Variants in ANKRD31 observed in about 807,000 individuals in gnomAD.
The protein encoded by ANKRD31 is ankyrin repeat domain 31, also known as ankyrin repeat domain-containing protein 31.
A neutral mutation model predicts 186.0 loss-of-function variants in ANKRD31; 147 were observed. The ratio of observed to expected loss-of-function variants is 0.79; its 90% CI spans 0.69 to 0.91. The LOEUF is 0.91. ANKRD31 is among the 40% of genes least tolerant of loss of function. The pLI is 0.00. For synonymous variants in ANKRD31, 673 were observed against 736.4 expected (o/e 0.91, Z 1.39); for missense variants, 1,986 against 2,148.8 (o/e 0.92, Z 1.50).
In ANKRD31 at chr5:75,116,615, T is replaced by G. The variant is rs1323332015; in HGVS notation, c.4106A>C (p.Asp1369Ala). The stretch of plus-strand genomic sequence containing the variant: ...TTCTTGGTGTGAAAGGGAAGATGAG[T>G]CAATAGTTTTGCCATCATCACAAAA... ...QCFCDDGKTI[D>A]SSSLSHQERS... Residue 1369 changes from aspartate (D) to alanine (A), a missense_variant, in exon 19 of 26, where the codon GAC becomes GCC. Coordinates refer to ENST00000506364, the MANE Select transcript of ANKRD31 (RefSeq NM_001372053.1). 8 of 1,475,102 alleles carry G rather than the reference T, an allele frequency of 5.4e-6. No homozygotes were observed. The highest frequency in any genetic ancestry group is 7.2e-6 in the Non-Finnish European group (8 of 1,108,426). 91.4% of individuals were successfully genotyped at this position (1,475,102 alleles called of 1,614,324 possible).
intron 23 of ANKRD31, among the ~76,000 whole-genome samples, chr5:75,090,782 T>C (rs546399723): frequency 1.3e-5 from 2 of 152,214 alleles, no homozygotes; most frequent in African/African-American, 4.8e-5. Context: ...GATAAGGACA[T>C]GTTCAAACAT....
chr5:75,202,179 G>A (rs1419776983), intron 5 of ANKRD31, among the ~76,000 whole-genome samples: 1 of 152,194 alleles, frequency 6.6e-6, no homozygotes, highest in Non-Finnish European at 1.5e-5. Context: ...CTGTGCCACA[G>A]GCCATGGTCA....
chr5:75,226,644 T>C (rs928261530), intron 2 of ANKRD31, among the ~76,000 whole-genome samples: 4 of 152,040 alleles, frequency 2.6e-5, no homozygotes, highest in South Asian at 4.1e-4. Flanking sequence ...GACATACAAA[T>C]GGCAAACAGA....
At chr5:75,091,438 A>G in intron 22 of ANKRD31, 37 bp from the exon 23 acceptor site, 1 of 1,513,722 alleles carries the variant, frequency 6.6e-7, no homozygotes, top group Non-Finnish European at 8.8e-7. Context: ...AAGGTCAAAA[A>G]TAGCTGAAAT....
rs1751401256 is a variant in ANKRD31, at chr5:75,145,976, A to G, written c.3424+11T>C. 7 of 1,446,160 alleles carry G rather than the reference A, an allele frequency of 4.8e-6. No individual in the cohort carries two copies. Among genetic ancestry groups the G allele is most frequent in the Non-Finnish European group, 6.4e-6 (7 of 1,101,148 alleles). 89.6% of individuals were successfully genotyped at this position (1,446,160 alleles called of 1,614,324 possible). On this transcript the variant is annotated intron_variant, in intron 14 of 25. Transcript: ENST00000506364. ...AGGAAATATGTACAGATTAAGCAAT[A>G]TTACTAATACCTGGTTTGTGAGAAA...
At chr5:75,143,202 C>T (rs1751176449) in intron 15 of ANKRD31, among the ~76,000 whole-genome samples, 1 of 152,092 alleles carries the variant, frequency 6.6e-6, no homozygotes, top group South Asian at 2.1e-4. Flanking sequence ...CATAAGGACA[C>T]AGTAATTAGA....
At position 75,154,263 on chromosome 5, in the gene ANKRD31, TC is replaced by T. The variant is rs1212018129; in HGVS notation, c.1789del (p.Asp597IlefsTer4). The T allele has an allele frequency of 2.6e-6, 4 of 1,535,894 alleles. No individual in the cohort carries two copies. Among genetic ancestry groups the T allele is most frequent in the Non-Finnish European group, 3.5e-6 (4 of 1,146,110 alleles). ...CTCAAGGAGACGCTTCATACATAAA[TC>T]CTTGGCCTCATCCAAAGCACATTTT... ...DGKCALDEAK[D>X]LCMKRLLERY... On this transcript the variant is annotated frameshift_variant, in exon 12 of 26. Coordinates refer to ENST00000506364, the MANE Select transcript of ANKRD31 (RefSeq NM_001372053.1). LOFTEE classifies it high-confidence loss of function.
At chr5:75,128,567 C>T (rs774640290) in intron 17 of ANKRD31, among the ~76,000 whole-genome samples, 6 of 151,476 alleles carry the variant, frequency 4.0e-5, no homozygotes, top group East Asian at 3.9e-4. Flanking sequence ...TGCAGTGGTA[C>T]GATCTTGGCT....
intron 15 of ANKRD31, among the ~76,000 whole-genome samples, chr5:75,140,286 A>AAACGAAGG: frequency 7.1e-6 from 1 of 140,956 alleles, no homozygotes; most frequent in South Asian, 2.4e-4. Context: ...AGAGAGAAAG[A>AAACGAAGG]AAGGAAGGAA....
intron 1 of ANKRD31, among the ~76,000 whole-genome samples, chr5:75,231,472 C>G (rs1757946758): frequency 6.6e-6 from 1 of 152,072 alleles, no homozygotes; most frequent in South Asian, 2.1e-4. Context: ...CCCCAAGAAG[C>G]TCCAAATCTA....
At chr5:75,176,900 TGA>T (rs1753851449) in intron 10 of ANKRD31, among the ~76,000 whole-genome samples, 1 of 152,060 alleles carries the variant, frequency 6.6e-6, no homozygotes, top group African/African-American at 2.4e-5. Context: ...TTTGACGAGT[TGA>T]GAGAGGAAGG....
At chr5:75,135,684 AC>A (rs1411788957) in intron 17 of ANKRD31, among the ~76,000 whole-genome samples, 2 of 152,182 alleles carry the variant, frequency 1.3e-5, no homozygotes, top group African/African-American at 4.8e-5. Flanking sequence ...TTCATATGGA[AC>A]CAAAAAAGAG....
At chr5:75,080,986 G>A (rs888840258) in intron 24 of ANKRD31, among the ~76,000 whole-genome samples, 6 of 151,872 alleles carry the variant, frequency 4.0e-5, no homozygotes, top group African/African-American at 1.2e-4. Context: ...ATGATATTTC[G>A]ATATGCAGAA....
chr5:75,203,306 T>C (rs974108076), intron 5 of ANKRD31, among the ~76,000 whole-genome samples: 1 of 152,072 alleles, frequency 6.6e-6, no homozygotes, highest in African/African-American at 2.4e-5. Flanking sequence ...AATACTAGAA[T>C]TGGGTATGAG....
chr5:75,199,270 C>A (rs927727705), intron 6 of ANKRD31, among the ~76,000 whole-genome samples: 4 of 152,116 alleles, frequency 2.6e-5, no homozygotes, highest in Admixed American at 2.6e-4. Flanking sequence ...GTAAGCAGAG[C>A]CAGTCCTATA....
At chr5:75,123,001 A>C (rs1748924189) in intron 17 of ANKRD31, among the ~76,000 whole-genome samples, 1 of 152,048 alleles carries the variant, frequency 6.6e-6, no homozygotes, top group South Asian at 2.1e-4. Context: ...GAAATAATTT[A>C]TTTCTGTTCA....
chr5:75,170,581 G>A (rs905505527), intron 10 of ANKRD31, among the ~76,000 whole-genome samples: 1 of 152,030 alleles, frequency 6.6e-6, no homozygotes, highest in Admixed American at 6.6e-5. Flanking sequence ...TGTCACTGAG[G>A]TTTGGTGTAC....
At chr5:75,122,632 CAA>C (rs1213455698) in intron 17 of ANKRD31, among the ~76,000 whole-genome samples, 1 of 152,024 alleles carries the variant, frequency 6.6e-6, no homozygotes, top group African/African-American at 2.4e-5. Context: ...TCAACATATA[CAA>C]ACCAATAAAT....
intron 7 of ANKRD31, among the ~76,000 whole-genome samples, chr5:75,194,118 A>G (rs1425416178): frequency 6.6e-6 from 1 of 152,134 alleles, no homozygotes; most frequent in Non-Finnish European, 1.5e-5. Flanking sequence ...TTCCATGAAC[A>G]TATGTATTCT....
Sources: gnomAD v4.1 joint callset for allele counts (sites outside exome capture counted in the v4.1 genomes callset) on GRCh38, gnomAD v4.1.1 for gene constraint, MANE v1.5 for transcripts, NCBI Gene and HGNC (gene_info 2026-07-23, HGNC 2026-07-21) for gene names.